Variants in ANO3 observed in about 807,000 individuals in gnomAD.
ANO3 encodes anoctamin-3.
Under a neutral mutation model 144.8 loss-of-function variants are expected in ANO3, and 99 were observed. That is an observed-to-expected ratio of 0.68 (90% CI 0.58 to 0.81). ANO3 has a LOEUF of 0.81. ANO3 is among the 30% of genes least tolerant of loss of function. The pLI, the probability that ANO3 is intolerant of heterozygous loss-of-function variation, is 0.00. For missense variants in ANO3, 905 were observed against 1,202.2 expected (o/e 0.75, Z 3.66); for synonymous variants, 414 against 392.6 (o/e 1.05, Z -0.64).
chr11:26,202,372 T>A (rs563266445), intron 1 of ANO3, among the ~76,000 whole-genome samples: 2 of 147,096 alleles, frequency 1.4e-5, no homozygotes, highest in Non-Finnish European at 3.0e-5. Context: ...TATGTGTATT[T>A]TATATATATA....
intron 1 of ANO3, among the ~76,000 whole-genome samples, chr11:26,295,001 C>A (rs1241651996): frequency 1.3e-5 from 2 of 152,048 alleles, no homozygotes; most frequent in Non-Finnish European, 2.9e-5. Context: ...TGAATTCAAG[C>A]GATTCCCCTG....
intron 10 of ANO3, among the ~76,000 whole-genome samples, chr11:26,538,309 G>A (rs904710479): frequency 6.6e-6 from 1 of 152,242 alleles, no homozygotes; most frequent in Non-Finnish European, 1.5e-5. Flanking sequence ...GCAGTTTTGA[G>A]CACCGGAAGC....
intron 1 of ANO3, among the ~76,000 whole-genome samples, chr11:26,265,504 A>C (rs1853289152): frequency 6.6e-6 from 1 of 152,202 alleles, no homozygotes; most frequent in South Asian, 2.1e-4. Context: ...CCTGTATCGC[A>C]CATAAAATAT....
chr11:26,204,545 T>C (rs1371128631), intron 1 of ANO3, among the ~76,000 whole-genome samples: 1 of 152,160 alleles, frequency 6.6e-6, no homozygotes, highest in Non-Finnish European at 1.5e-5. Context: ...TCTGGTTCTT[T>C]GGAAGCCCTA....
intron 1 of ANO3, among the ~76,000 whole-genome samples, chr11:26,371,478 G>C (rs567344676): frequency 6.6e-6 from 1 of 152,326 alleles, no homozygotes; most frequent in African/African-American, 2.4e-5. Context: ...AAGCCTAGTG[G>C]AGCTGTAAGA....
At chr11:26,349,474 C>T (rs1855579597) in intron 1 of ANO3, among the ~76,000 whole-genome samples, 1 of 152,102 alleles carries the variant, frequency 6.6e-6, no homozygotes, top group South Asian at 2.1e-4. Flanking sequence ...ATAAATGATG[C>T]CACTATTTGG....
rs145993729 is a variant in ANO3, at chr11:26,371,721, T to C, written c.46+39400T>C. Among the ~76,000 whole-genome samples the C allele has an allele frequency of 4.7e-4, 72 of 152,342 alleles. No homozygotes were observed. The East Asian group carries it at 0.013, about 28-fold the overall frequency. Reference sequence around the variant, plus strand: ...GAGTCAAAGGAGACTATTTTGGAACTTTAAGATTTAATGACTGCCCTATTT... The same window carrying C: ...GAGTCAAAGGAGACTATTTTGGAACCTTAAGATTTAATGACTGCCCTATTT... On this transcript the variant is annotated intron_variant, in intron 1 of 26. Coordinates refer to ENST00000256737, the MANE Select transcript of ANO3 (RefSeq NM_031418.4).
chr11:26,463,289 C>A, intron 4 of ANO3, 141 bp downstream of exon 4: 1 of 451,128 alleles, frequency 2.2e-6, no homozygotes, highest in Middle Eastern at 5.8e-4. Flanking sequence ...AACTCAGAAG[C>A]AAAAAGTTGT....
chr11:26,556,796 T>A (rs1444472705), intron 13 of ANO3, among the ~76,000 whole-genome samples: 1 of 152,156 alleles, frequency 6.6e-6, no homozygotes, highest in Non-Finnish European at 1.5e-5. Context: ...CAATTCTGAC[T>A]CCCTGCCCTC....
chr11:26,380,940 C>G (rs1441097260), intron 1 of ANO3, among the ~76,000 whole-genome samples: 3 of 152,088 alleles, frequency 2.0e-5, no homozygotes, highest in African/African-American at 7.2e-5. Context: ...CAAGATCGCA[C>G]CATTGCACTC....
intron 14 of ANO3, among the ~76,000 whole-genome samples, chr11:26,594,712 A>G (rs1851557511): frequency 6.6e-6 from 1 of 152,106 alleles, no homozygotes; most frequent in African/African-American, 2.4e-5. Context: ...GGAGAACACC[A>G]GGGCAGGGAG....
chr11:26,204,090 G>T (rs1028240729), intron 1 of ANO3, among the ~76,000 whole-genome samples: 6 of 152,020 alleles, frequency 3.9e-5, no homozygotes, highest in Non-Finnish European at 5.9e-5. Flanking sequence ...TTATGGAATG[G>T]TTTTTTTAGT....
intron 1 of ANO3, among the ~76,000 whole-genome samples, chr11:26,229,062 C>T (rs1852327136): frequency 6.6e-6 from 1 of 151,968 alleles, no homozygotes; most frequent in Non-Finnish European, 1.5e-5. Context: ...CAGCCCACAG[C>T]AATCTTTTCA....
At chr11:26,293,464 T>G (rs1156503003) in intron 1 of ANO3, among the ~76,000 whole-genome samples, 1 of 147,732 alleles carries the variant, frequency 6.8e-6, no homozygotes, top group Non-Finnish European at 1.5e-5. Context: ...AACAATGAGA[T>G]CTATGCTTCT....
At chr11:26,565,271 A>G in intron 14 of ANO3, 1 of 1,602,018 alleles carries the variant, frequency 6.2e-7, no homozygotes, top group East Asian at 2.2e-5. Context: ...CAGTGAAGCT[A>G]TCACTGTTTG....
chr11:26,594,670 A>AG (rs1464191375), intron 14 of ANO3, among the ~76,000 whole-genome samples: 92 of 152,108 alleles, frequency 6.0e-4, no homozygotes, highest in African/African-American at 2.1e-3. Flanking sequence ...TTTGGGTTGA[A>AG]GGGGGGTCTT....
chr11:26,566,495 G>T (rs1217902054), intron 14 of ANO3, among the ~76,000 whole-genome samples: 2 of 151,890 alleles, frequency 1.3e-5, no homozygotes, highest in African/African-American at 4.8e-5. Flanking sequence ...AATAACTCAT[G>T]AATTTGAATG....
At chr11:26,273,226 GTT>G (rs111972372) in intron 1 of ANO3, among the ~76,000 whole-genome samples, 2,441 of 127,724 alleles carry the variant, frequency 0.019, 59 homozygotes, top group African/African-American at 0.067. Context: ...GCCTTTTAAA[GTT>G]TTTTTTTTTT....
At chr11:26,291,520 T>G (rs1418161654) in intron 1 of ANO3, among the ~76,000 whole-genome samples, 2 of 152,230 alleles carry the variant, frequency 1.3e-5, no homozygotes, top group Non-Finnish European at 2.9e-5. Context: ...TCTTTACATT[T>G]TGGCATGTTT....
Sources: allele counts gnomAD v4.1 joint callset (sites outside exome capture counted in the v4.1 genomes callset), GRCh38; gene constraint gnomAD v4.1.1; transcripts MANE v1.5; gene names NCBI Gene and HGNC (gene_info 2026-07-23, HGNC 2026-07-21).